Variants in FSTL5 observed in about 807,000 individuals in gnomAD.
FSTL5 encodes the protein follistatin-related protein 5.
In FSTL5, 62 loss-of-function variants were observed where a neutral mutation model predicts 89.1. The ratio of observed to expected loss-of-function variants is 0.70; its 90% CI spans 0.57 to 0.86. The LOEUF (loss-of-function observed/expected upper bound fraction) is 0.86, where lower values mean the gene tolerates loss of function less well. Among genes scored for constraint, FSTL5 ranks in the 40% least tolerant of loss-of-function variants. FSTL5 has a pLI of 0.00. For missense variants in FSTL5, 1,057 were observed against 1,001.6 expected, an observed-to-expected ratio of 1.06 and a Z score of -0.75; for synonymous variants, 383 against 346.2, an observed-to-expected ratio of 1.11 and a Z score of -1.18.
chr4:162,045,339 C>T (rs1022314030), intron 2 of FSTL5, among the ~76,000 whole-genome samples: 3 of 152,092 alleles, frequency 2.0e-5, no homozygotes, highest in Non-Finnish European at 4.4e-5. Context: ...ACAACACACA[C>T]ATTTACAGAT....
chr4:161,512,243 C>T (rs1231380611), intron 10 of FSTL5, among the ~76,000 whole-genome samples: 1 of 152,084 alleles, frequency 6.6e-6, no homozygotes, highest in African/African-American at 2.4e-5. Context: ...TCTCCACCCA[C>T]TTACTTGGTG....
At chr4:161,765,236 C>T (rs2126794355) in intron 5 of FSTL5, among the ~76,000 whole-genome samples, 1 of 152,272 alleles carries the variant, frequency 6.6e-6, no homozygotes, top group Admixed American at 6.5e-5. Flanking sequence ...GGACAAACAT[C>T]ATTATGCTTT....
intron 1 of FSTL5, among the ~76,000 whole-genome samples, chr4:162,141,242 G>A (rs955575362): frequency 2.1e-3 from 201 of 94,524 alleles, no homozygotes; most frequent in Non-Finnish European, 3.8e-3. Flanking sequence ...TCAGCCTCCC[G>A]TGTAGCTGGG....
At chr4:161,676,984 CTG>C (rs904469628) in intron 6 of FSTL5, among the ~76,000 whole-genome samples, 2 of 151,882 alleles carry the variant, frequency 1.3e-5, no homozygotes, top group Admixed American at 6.6e-5. Flanking sequence ...TTAAAATAAA[CTG>C]TTAAAAATAA....
chr4:161,398,979 A>G (rs1731092679), intron 15 of FSTL5, among the ~76,000 whole-genome samples: 1 of 152,166 alleles, frequency 6.6e-6, no homozygotes, highest in Non-Finnish European at 1.5e-5. Context: ...ACTTGGTGCA[A>G]TAGAATACAC....
At chr4:161,911,738 G>A (rs1377693479) in intron 4 of FSTL5, among the ~76,000 whole-genome samples, 1 of 152,098 alleles carries the variant, frequency 6.6e-6, no homozygotes, top group Non-Finnish European at 1.5e-5. Context: ...GCATATTACT[G>A]CATTAAATTA....
rs183112329 is a variant in FSTL5 at position 161,943,857 on chromosome 4, T to G, written c.161-23205A>C. ...GGCGTGAGCCACTGCGCCTGGCCCATAACCACTGTATCTTTACCTGCTCTG... is the reference window on the plus strand; with the variant it reads ...GGCGTGAGCCACTGCGCCTGGCCCAGAACCACTGTATCTTTACCTGCTCTG... On this transcript the variant is annotated intron_variant, in intron 3 of 15. Coordinates refer to ENST00000306100, the MANE Select transcript of FSTL5 (RefSeq NM_020116.5). Among the ~76,000 whole-genome samples, 677 of 151,986 alleles carry G rather than the reference T, an allele frequency of 4.5e-3. 5 individuals are homozygous for G. The highest frequency in any genetic ancestry group is 6.9e-3 in the Non-Finnish European group (466 of 67,902).
chr4:161,397,428 C>T (rs1264911225), intron 15 of FSTL5, among the ~76,000 whole-genome samples: 1 of 151,424 alleles, frequency 6.6e-6, no homozygotes, highest in African/African-American at 2.4e-5. Context: ...CATTTTATAT[C>T]AGTAGGGAAA....
At chr4:161,857,030 A>G (rs1435359057) in intron 4 of FSTL5, among the ~76,000 whole-genome samples, 1 of 152,132 alleles carries the variant, frequency 6.6e-6, no homozygotes, top group Non-Finnish European at 1.5e-5. Flanking sequence ...TTGGTTGATT[A>G]TTGTGTGAAG....
At chr4:162,096,632 C>T (rs1297712049) in intron 2 of FSTL5, among the ~76,000 whole-genome samples, 1 of 151,822 alleles carries the variant, frequency 6.6e-6, no homozygotes, top group Non-Finnish European at 1.5e-5. Flanking sequence ...ATCTCTACAA[C>T]TCGACTAATG....
chr4:162,097,426 A>G (rs1353625590), intron 2 of FSTL5, among the ~76,000 whole-genome samples: 2 of 151,836 alleles, frequency 1.3e-5, no homozygotes, highest in Non-Finnish European at 3.0e-5. Context: ...ATAACTTTCA[A>G]TTATTTTATT....
chr4:161,759,387 T>C (rs749728083), intron 6 of FSTL5, 24 bp downstream of exon 6: 2 of 1,566,940 alleles, frequency 1.3e-6, no homozygotes, highest in African/African-American at 1.4e-5. Flanking sequence ...CAAAGGGAAA[T>C]TGGAGAATGA....
chr4:162,105,264 T>C (rs900636136), intron 2 of FSTL5, among the ~76,000 whole-genome samples: 2 of 152,186 alleles, frequency 1.3e-5, no homozygotes, highest in African/African-American at 2.4e-5. Flanking sequence ...CTAACCAATT[T>C]TGAGTATACA....
intron 3 of FSTL5, among the ~76,000 whole-genome samples, chr4:161,927,039 T>C (rs1734146396): frequency 6.6e-6 from 1 of 151,862 alleles, no homozygotes; most frequent in Non-Finnish European, 1.5e-5. Context: ...AGAAACAAAA[T>C]ATTTGTTCTA....
intron 3 of FSTL5, among the ~76,000 whole-genome samples, chr4:161,972,385 T>G (rs1179794961): frequency 6.6e-6 from 1 of 152,152 alleles, no homozygotes; most frequent in African/African-American, 2.4e-5. Flanking sequence ...ACATGATTCT[T>G]TAATAATGCA....
intron 12 of FSTL5, among the ~76,000 whole-genome samples, chr4:161,493,404 AG>A (rs983362550): frequency 2.6e-5 from 4 of 151,838 alleles, no homozygotes; most frequent in African/African-American, 9.6e-5. Flanking sequence ...AACTAGACAT[AG>A]GGGGACATGA....
chr4:162,036,933 A>T (rs541176512), intron 2 of FSTL5, among the ~76,000 whole-genome samples: 22 of 152,074 alleles, frequency 1.4e-4, no homozygotes, highest in African/African-American at 5.1e-4. Flanking sequence ...GAAAAATTAC[A>T]TGATGGAAAT....
chr4:162,035,030 C>T (rs1196514596), intron 2 of FSTL5, among the ~76,000 whole-genome samples: 4 of 152,066 alleles, frequency 2.6e-5, no homozygotes, highest in African/African-American at 7.2e-5. Context: ...ATTAAAAATA[C>T]ATTAGTTTTT....
chr4:161,725,032 C>G (rs1399444639), intron 6 of FSTL5, among the ~76,000 whole-genome samples: 1 of 152,032 alleles, frequency 6.6e-6, no homozygotes, highest in Non-Finnish European at 1.5e-5. Flanking sequence ...CCCGTCTCTA[C>G]TAAAAATACA....
Sources: gnomAD v4.1 joint callset for allele counts (sites outside exome capture counted in the v4.1 genomes callset) on GRCh38, gnomAD v4.1.1 for gene constraint, MANE v1.5 for transcripts, NCBI Gene and HGNC (gene_info 2026-07-23, HGNC 2026-07-21) for gene names.